MRPS11: variants seen among roughly 807,000 people sequenced by gnomAD.
The protein encoded by MRPS11 is mitochondrial ribosomal protein S11, also known as small ribosomal subunit protein uS11m.
A neutral mutation model predicts 24.3 loss-of-function variants in MRPS11; 27 were observed. That is an observed-to-expected ratio of 1.11 (90% CI 0.82 to 1.53). The LOEUF (loss-of-function observed/expected upper bound fraction) is 1.53, where lower values mean the gene tolerates loss of function less well. Ranked by LOEUF, MRPS11 falls within the 40% of genes most tolerant of loss-of-function variation. The pLI, the probability that MRPS11 is intolerant of heterozygous loss-of-function variation, is 0.00. For missense variants in MRPS11, 277 were observed against 256.5 expected, an observed-to-expected ratio of 1.08 and a Z score of -0.55; for synonymous variants, 104 against 98.7, an observed-to-expected ratio of 1.05 and a Z score of -0.32.
chr15:88,472,645 A>C lies in MRPS11; in HGVS notation c.201A>C (p.Pro67=). 6.2e-7 allele frequency: 1 copy of C among 1,613,910 alleles called. No homozygotes were observed. The highest frequency in any genetic ancestry group is 8.5e-7 in the Non-Finnish European group (1 of 1,179,826). ...HTKFSIYPPI[P]GEESSLRWAG... is the part of the protein sequence containing the mutation. ...ATTGCAGCATTTACCCTCCCATTCC[A>C]GGAGAGGAGAGCTCTCTGAGGTGGG... The change falls in exon 3 of 6, where the codon CCA becomes CCC. Residue 67 remains proline, a synonymous_variant. Coordinates refer to ENST00000325844, the MANE Select transcript of MRPS11 (RefSeq NM_022839.5).
In MRPS11 at chr15:88,468,029, G is replaced by A. The variant is rs2055589064; in HGVS notation, c.182+5G>A. On this transcript the variant is annotated splice_donor_5th_base_variant and intron_variant, in intron 2 of 5. Transcript: ENST00000325844. ...TCCCAGCCACACCAAGTTCAGGTGA[G>A]CCCCACTTGGACCAGCCCTCTGGAG... 8 of 1,597,928 alleles carry A rather than the reference G, an allele frequency of 5.0e-6. No individual in the cohort carries two copies. The highest frequency in any genetic ancestry group is 6.8e-6 in the Non-Finnish European group (8 of 1,172,032).
chr15:88,472,389 C>A (rs2055729125), intron 2 of MRPS11: 2 of 419,828 alleles, frequency 4.8e-6, no homozygotes, highest in Admixed American at 3.9e-5. Flanking sequence ...ATGAAAATCC[C>A]TTCTCATAGC....
At position 88,472,672 on chromosome 15, in the gene MRPS11, A is replaced by G. The variant is rs568779288; in HGVS notation, c.228A>G (p.Ala76=). ...IPGEESSLRW[A]GKKFEEIPIA... is the part of the protein sequence containing the mutation. ...GAGAGGAGAGCTCTCTGAGGTGGGC[A>G]GGAAAGAAATTTGAGGAGATCCCAA... is the stretch of plus-strand genomic sequence containing the variant. Residue 76 remains alanine (A), a synonymous_variant, in exon 3 of 6, where the codon GCA becomes GCG. Coordinates refer to ENST00000325844, the MANE Select transcript of MRPS11 (RefSeq NM_022839.5). The G allele has an allele frequency of 7.4e-6, 12 of 1,614,184 alleles. No homozygotes were observed. The African/African-American group carries it at 1.6e-4, about 22-fold the overall frequency.
At position 88,478,693 on chromosome 15, in the gene MRPS11, T is replaced by A. The variant is rs2055873756; in HGVS notation, c.*714T>A. 6.6e-6 allele frequency: 1 copy of A among 152,262 alleles called. No individual in the cohort carries two copies. Among genetic ancestry groups the A allele is most frequent in the African/African-American group, 2.4e-5 (1 of 41,426 alleles). 9.4% of individuals were successfully genotyped at this position (152,262 alleles called of 1,614,324 possible). On this transcript the variant is annotated 3_prime_UTR_variant, in exon 6 of 6. Transcript: ENST00000325844. The surrounding 1 kb of genome is among the most constrained non-coding windows in gnomAD (Gnocchi z 4.7). ...CCTAAAAGCGGGGAGGGTAGAGTTGTACAAAACATGATTCTTGGCCAGGCA... is the reference window on the plus strand; with the variant it reads ...CCTAAAAGCGGGGAGGGTAGAGTTGAACAAAACATGATTCTTGGCCAGGCA...
Position 88,479,495 on chromosome 15 carries a change from G to A in MRPS11, c.*1516G>A, listed in dbSNP as rs1486397664. The A allele has an allele frequency of 6.6e-6, 1 of 152,186 alleles. No homozygotes were observed. Among genetic ancestry groups the A allele is most frequent in the Non-Finnish European group, 1.5e-5 (1 of 68,048 alleles). The allele number at this position is 152,186 out of a possible 1,614,324, so 9.4% of individuals were successfully genotyped here. A position where few individuals can be genotyped will look rare whatever the true frequency, so the allele number is the denominator to read the frequency against. On this transcript the variant is annotated 3_prime_UTR_variant, in exon 6 of 6. Coordinates refer to ENST00000325844, the MANE Select transcript of MRPS11 (RefSeq NM_022839.5). Reference sequence around the variant, plus strand: ...CTTAAATAGGCAAGAGGCTGTGTTAGGACAAAGAAAGGAGGAAGATCACGA... The same window carrying A: ...CTTAAATAGGCAAGAGGCTGTGTTAAGACAAAGAAAGGAGGAAGATCACGA...
intron 4 of MRPS11, 116 bp from the exon 5 acceptor site, chr15:88,476,873 C>A (rs534480065): frequency 3.9e-6 from 4 of 1,015,738 alleles, no homozygotes; most frequent in Admixed American, 4.2e-5. Context: ...TCCCTGTTTA[C>A]TTCTCTGGAT....
rs111430387 is a variant in MRPS11 at position 88,472,760 on chromosome 15, G to A, written c.281+35G>A. ...AAGGGAAACACTGGGCAGGTCTAGC[G>A]TGAGATTCTTTCCACTTCACAGGGA... is the stretch of plus-strand genomic sequence containing the variant. On this transcript the variant is annotated intron_variant, in intron 3 of 5. Coordinates refer to ENST00000325844, the MANE Select transcript of MRPS11 (RefSeq NM_022839.5). 2.3e-4 allele frequency: 358 copies of A among 1,541,082 alleles called. 4 individuals carry two copies. The African/African-American group carries it at 3.7e-3, about 16-fold the overall frequency.
At chr15:88,470,617 C>G (rs924837711) in intron 2 of MRPS11, among the ~76,000 whole-genome samples, 12 of 152,140 alleles carry the variant, frequency 7.9e-5, no homozygotes, top group African/African-American at 2.7e-4. Flanking sequence ...TCAGCTGTGT[C>G]AAATGCTGCT....
intron 4 of MRPS11, among the ~76,000 whole-genome samples, chr15:88,476,486 G>A (rs1384749144): frequency 6.6e-6 from 1 of 152,196 alleles, no homozygotes. Flanking sequence ...CATATACTAT[G>A]AAAAGAAGTA....
intron 2 of MRPS11, 143 bp from the exon 3 acceptor site, chr15:88,472,484 G>A: frequency 3.2e-6 from 2 of 634,900 alleles, no homozygotes; most frequent in Non-Finnish European, 5.6e-6. Context: ...GGTGGCACCA[G>A]AAGGACTGAA....
At position 88,479,613 on chromosome 15, in the gene MRPS11, A is replaced by G. The variant is rs571280424; in HGVS notation, c.*1634A>G. The G allele has an allele frequency of 1.3e-5, 2 of 152,334 alleles. No homozygotes were observed. The highest frequency in any genetic ancestry group is 4.1e-4 in the South Asian group (2 of 4,826). The allele number at this position is 152,334 out of a possible 1,614,324, so 9.4% of individuals were successfully genotyped here. A position where few individuals can be genotyped will look rare whatever the true frequency, so the allele number is the denominator to read the frequency against. The stretch of plus-strand genomic sequence containing the variant: ...TGAAGGCCATCTTGTGACAGTGACC[A>G]AAGAAGCCCAACCGGAGGCTTCTTG... On this transcript the variant is annotated 3_prime_UTR_variant, in exon 6 of 6. Coordinates refer to ENST00000325844, the MANE Select transcript of MRPS11 (RefSeq NM_022839.5).
intron 2 of MRPS11, 35 bp from the exon 3 acceptor site, chr15:88,472,592 G>C (rs1567044795): frequency 5.1e-6 from 8 of 1,554,970 alleles, no homozygotes; most frequent in Non-Finnish European, 7.1e-6. Context: ...AAAAAGTCGA[G>C]ACAATTTTAA....
chr15:88,476,960 G>A lies in MRPS11; in HGVS notation c.412-29G>A, dbSNP rs138199781. On this transcript the variant is annotated intron_variant, in intron 4 of 5. Transcript: ENST00000325844. ...ATTTGGATGCAGTAGTTCTCTCTCC[G>A]GGGCACTAACCACTCTGCTTCTCTC... 3.2e-4 allele frequency: 511 copies of A among 1,607,988 alleles called. No individual in the cohort carries two copies. The African/African-American group carries it at 5.6e-3, about 18-fold the overall frequency.
intron 4 of MRPS11, chr15:88,476,705 G>GC (rs768444592): frequency 1.5e-5 from 5 of 340,380 alleles, no homozygotes; most frequent in Non-Finnish European, 1.6e-5. Flanking sequence ...TTCTGCATTT[G>GC]CCCCCCTGAG....
rs199770606 is a variant in MRPS11 at position 88,467,921 on chromosome 15, A to G, written c.79A>G (p.Arg27Gly). The G allele has an allele frequency of 6.2e-7, 1 of 1,613,750 alleles. No individual in the cohort carries two copies. Among genetic ancestry groups the G allele is most frequent in the South Asian group, 1.1e-5 (1 of 91,058 alleles). ...WPQTAGRVVARTPAGTICTGA... is the reference protein window; with the variant it reads ...WPQTAGRVVAGTPAGTICTGA... ...TTTTCTTCCCAGCAGGGTCGTGGCC[A>G]GAACGCCGGCCGGGACCATCTGCAC... Residue 27 changes from arginine (R) to glycine (G), a missense_variant, in exon 2 of 6, where the codon AGA (arginine) becomes GGA (glycine). Arg to Gly is a moderately radical substitution (Grantham distance 125). Coordinates refer to ENST00000325844, the MANE Select transcript of MRPS11 (RefSeq NM_022839.5).
chr15:88,471,241 C>A (rs1266524780), intron 2 of MRPS11, among the ~76,000 whole-genome samples: 1 of 152,148 alleles, frequency 6.6e-6, no homozygotes, highest in Non-Finnish European at 1.5e-5. Context: ...TGTATGATTG[C>A]GAGGCAGTTC....
intron 1 of MRPS11, 53 bp from the exon 2 acceptor site, chr15:88,467,855 C>T (rs944550835): frequency 6.2e-7 from 1 of 1,612,664 alleles, no homozygotes; most frequent in Admixed American, 1.7e-5. Context: ...CCTTGAGCCA[C>T]CCGGGCCCCA....
At chr15:88,468,469 C>G (rs1205675723) in intron 2 of MRPS11, 1 of 1,018,266 alleles carries the variant, frequency 9.8e-7, no homozygotes, top group Non-Finnish European at 1.2e-6. Context: ...TGCTTCCCAC[C>G]AGTGCCACCA....
At chr15:88,474,431 C>T (rs919423595) in intron 3 of MRPS11, among the ~76,000 whole-genome samples, 1 of 151,978 alleles carries the variant, frequency 6.6e-6, no homozygotes, top group East Asian at 1.9e-4. Context: ...TGGTGGTGCA[C>T]GCCTGTAATC....
Sources: allele counts gnomAD v4.1 joint callset (sites outside exome capture counted in the v4.1 genomes callset), GRCh38; gene constraint gnomAD v4.1.1; non-coding constraint Gnocchi (gnomAD v3.1); transcripts MANE v1.5; gene names NCBI Gene and HGNC (gene_info 2026-07-23, HGNC 2026-07-21).